ADGRL2: variants seen among roughly 807,000 people sequenced by gnomAD.
ADGRL2 encodes adhesion G protein-coupled receptor L2.
ADGRL2 carries 44 observed loss-of-function variants against 157.4 expected under a neutral mutation model. That is an observed-to-expected ratio of 0.28 (90% CI 0.22 to 0.36). The LOEUF (loss-of-function observed/expected upper bound fraction) is 0.36. Among genes scored for constraint, ADGRL2 ranks in the 10% least tolerant of loss-of-function variants. ADGRL2 has a pLI of 1.00. For missense variants in ADGRL2, 1,510 were observed against 1,768.9 expected (o/e 0.85, Z 2.63); for synonymous variants, 585 against 624.7 (o/e 0.94, Z 0.95).
In ADGRL2 at chr1:81,402,503, C is replaced by A. The variant is rs374878120; in HGVS notation, c.-301-42533C>A. On this transcript the variant is annotated intron_variant, in intron 1 of 24. Transcript: ENST00000370721. Reference sequence around the variant, plus strand: ...ACCCTCTCGGTATACATTATTCTAACCTATAGGTTCTAACCATAGCCAGCT... The same window carrying A: ...ACCCTCTCGGTATACATTATTCTAAACTATAGGTTCTAACCATAGCCAGCT... Among the ~76,000 whole-genome samples the A allele has an allele frequency of 3.9e-5, 6 of 152,116 alleles. No individual in the cohort carries two copies. In the East Asian group the frequency reaches 1.2e-3, roughly 29 times the overall value.
At chr1:81,922,060 C>A (rs891445641) in intron 3 of ADGRL2, among the ~76,000 whole-genome samples, 1 of 152,120 alleles carries the variant, frequency 6.6e-6, no homozygotes, top group Non-Finnish European at 1.5e-5. Context: ...CAGTGACTAA[C>A]CCCTCAAAGG....
rs532260806 is a variant in ADGRL2 at position 81,677,620 on chromosome 1, T to C, written c.-142-84191T>C. ...GCCTGTCATTTCTATCTCCTAAATA[T>C]CTCTCAATTATATTTTCTTCTTTTC... is the stretch of plus-strand genomic sequence containing the variant. On this transcript the variant is annotated intron_variant, in intron 3 of 24. Transcript: ENST00000370721. Among the ~76,000 whole-genome samples, 4 of 152,218 alleles carry C rather than the reference T, an allele frequency of 2.6e-5. No individual in the cohort carries two copies. In the South Asian group the frequency reaches 8.3e-4, roughly 32 times the overall value.
At chr1:81,394,173 T>C (rs1432836019) in intron 1 of ADGRL2, among the ~76,000 whole-genome samples, 2 of 152,144 alleles carry the variant, frequency 1.3e-5, no homozygotes, top group Admixed American at 6.6e-5. Context: ...GGATTTATCA[T>C]TTATTATATA....
intron 3 of ADGRL2, among the ~76,000 whole-genome samples, chr1:81,928,411 T>G (rs967570021): frequency 2.0e-5 from 3 of 152,134 alleles, no homozygotes; most frequent in Admixed American, 6.6e-5. Flanking sequence ...AATAGCCAGA[T>G]AATCATTAAT....
At chr1:81,779,685 C>T (rs1309470908) in intron 2 of ADGRL2, among the ~76,000 whole-genome samples, 3 of 152,148 alleles carry the variant, frequency 2.0e-5, no homozygotes, top group African/African-American at 7.2e-5. Flanking sequence ...TCTTTAGTTT[C>T]CTCCCCATTT....
At chr1:81,529,775 G>A (rs1354552088) in intron 2 of ADGRL2, among the ~76,000 whole-genome samples, 2 of 152,120 alleles carry the variant, frequency 1.3e-5, no homozygotes, top group South Asian at 2.1e-4. Flanking sequence ...GCATAACAAA[G>A]CCAGTAAATA....
intron 4 of ADGRL2, 109 bp from the exon 5 acceptor site, chr1:81,941,925 T>C: frequency 1.7e-6 from 1 of 592,258 alleles, no homozygotes. Flanking sequence ...CTTCCTATAT[T>C]TAGCATCTGT....
At chr1:81,375,325 G>A (rs2076230867) in intron 1 of ADGRL2, among the ~76,000 whole-genome samples, 1 of 152,172 alleles carries the variant, frequency 6.6e-6, no homozygotes, top group Non-Finnish European at 1.5e-5. Flanking sequence ...TCAAAAGCCA[G>A]AAGATGAAGT....
intron 1 of ADGRL2, among the ~76,000 whole-genome samples, chr1:81,395,814 A>C (rs2076645349): frequency 6.6e-6 from 1 of 152,130 alleles, no homozygotes; most frequent in Non-Finnish European, 1.5e-5. Flanking sequence ...TTGTCTAATA[A>C]ATGTTCTTAG....
At chr1:81,312,638 C>G (rs1659835423) in intron 1 of ADGRL2, among the ~76,000 whole-genome samples, 1 of 152,112 alleles carries the variant, frequency 6.6e-6, no homozygotes, top group African/African-American at 2.4e-5. Flanking sequence ...ATTTTTTCAG[C>G]CTTTAGCCAT....
chr1:81,410,422 T>G (rs987904951), intron 1 of ADGRL2, among the ~76,000 whole-genome samples: 2 of 152,244 alleles, frequency 1.3e-5, no homozygotes, highest in Non-Finnish European at 2.9e-5. Flanking sequence ...CTTTTACTTT[T>G]CTTCCAATTG....
intron 1 of ADGRL2, among the ~76,000 whole-genome samples, chr1:81,401,211 G>A (rs2076748628): frequency 6.6e-6 from 1 of 152,160 alleles, no homozygotes; most frequent in African/African-American, 2.4e-5. Context: ...TCTCCAGGAG[G>A]CAGTACCACT....
chr1:81,800,725 C>T (rs1219118367), upstream of ADGRL2, among the ~76,000 whole-genome samples: 1 of 151,654 alleles, frequency 6.6e-6, no homozygotes. Flanking sequence ...GGATGGAGAG[C>T]GCGCGCCGGC....
intron 1 of ADGRL2, among the ~76,000 whole-genome samples, chr1:81,760,966 A>T (rs899381515): frequency 6.6e-6 from 1 of 152,048 alleles, no homozygotes; most frequent in East Asian, 1.9e-4. Context: ...ACAAAATTTG[A>T]CTTCCATATT....
chr1:81,897,456 C>A (rs1171253497), intron 2 of ADGRL2, among the ~76,000 whole-genome samples: 1 of 152,014 alleles, frequency 6.6e-6, no homozygotes, highest in Non-Finnish European at 1.5e-5. Flanking sequence ...TATTTTATAA[C>A]TGAAATATGT....
At chr1:81,745,851 T>C (rs1311401434) in intron 1 of ADGRL2, among the ~76,000 whole-genome samples, 2 of 152,114 alleles carry the variant, frequency 1.3e-5, no homozygotes, top group African/African-American at 4.8e-5. Flanking sequence ...TTGGCTAGTT[T>C]TGTAGGTGAG....
intron 2 of ADGRL2, among the ~76,000 whole-genome samples, chr1:81,494,988 T>A (rs2078703316): frequency 6.6e-6 from 1 of 152,088 alleles, no homozygotes; most frequent in Non-Finnish European, 1.5e-5. Context: ...AACTATTAAC[T>A]CCTTTTAAGC....
intron 2 of ADGRL2, among the ~76,000 whole-genome samples, chr1:81,491,922 T>C (rs17106551): frequency 0.15 from 22,242 of 152,126 alleles, 3,017 homozygotes; most frequent in African/African-American, 0.36. Flanking sequence ...GCAGTCACCA[T>C]ATGACATGAG....
At chr1:81,978,652 G>C (rs1660828075) in intron 17 of ADGRL2, among the ~76,000 whole-genome samples, 1 of 151,748 alleles carries the variant, frequency 6.6e-6, no homozygotes, top group Non-Finnish European at 1.5e-5. Context: ...TCATTAGGAA[G>C]GACTTGGAAA....
Sources: allele counts gnomAD v4.1 joint callset (sites outside exome capture counted in the v4.1 genomes callset), GRCh38; gene constraint gnomAD v4.1.1; transcripts MANE v1.5; gene names NCBI Gene and HGNC (gene_info 2026-07-23, HGNC 2026-07-21).